Variants in CHD2 observed in about 807,000 individuals in gnomAD.
CHD2 encodes the protein ATP-dependent chromatin remodeler CHD2.
A neutral mutation model predicts 243.9 loss-of-function variants in CHD2; 28 were observed. The observed-to-expected ratio is 0.11, with a 90% confidence interval of 0.09 to 0.16. The LOEUF is 0.16. Ranked by LOEUF, CHD2 falls within the 10% of genes least tolerant of loss-of-function variation. The pLI, the probability that CHD2 is intolerant of heterozygous loss-of-function variation, is 1.00. For synonymous variants in CHD2, 775 were observed against 779.0 expected, an observed-to-expected ratio of 0.99 and a Z score of 0.09; for missense variants, 1,386 against 2,209.8, an observed-to-expected ratio of 0.63 and a Z score of 7.47.
rs1190982997 is a variant in CHD2 at position 92,997,830 on chromosome 15, T to C, written c.3885+427T>C. ...TTGTAATGGAATTAAACATTGGCTG[T>C]TCTTCTCCCACAAAATCGAGCCTCC... On this transcript the variant is annotated intron_variant, in intron 30 of 38. Coordinates refer to ENST00000394196, the MANE Select transcript of CHD2 (RefSeq NM_001271.4). The surrounding 1 kb of genome is among the most constrained non-coding windows in gnomAD (Gnocchi z 4.1). Among the ~76,000 whole-genome samples, 1 of 152,216 alleles carries C rather than the reference T, an allele frequency of 6.6e-6. No individual in the cohort carries two copies. The highest frequency in any genetic ancestry group is 1.9e-4 in the East Asian group (1 of 5,194).
At chr15:92,911,745 G>C (rs1303249781) in intron 2 of CHD2, among the ~76,000 whole-genome samples, 3 of 151,866 alleles carry the variant, frequency 2.0e-5, no homozygotes, top group Non-Finnish European at 4.4e-5. Context: ...CCCAACCCCT[G>C]CCCAAGAAAA....
chr15:93,022,530 C>G (rs1207578858), intron 38 of CHD2, among the ~76,000 whole-genome samples: 1 of 152,228 alleles, frequency 6.6e-6, no homozygotes, highest in Non-Finnish European at 1.5e-5. Flanking sequence ...GATGCCAGTT[C>G]TTTGTGAGCA....
intron 2 of CHD2, among the ~76,000 whole-genome samples, chr15:92,917,476 G>T (rs866969916): frequency 3.9e-5 from 6 of 152,256 alleles, no homozygotes; most frequent in African/African-American, 1.4e-4. Flanking sequence ...CAGGAGAATC[G>T]CATGAACCCT....
At chr15:92,917,731 T>C (rs2052869092) in intron 2 of CHD2, among the ~76,000 whole-genome samples, 1 of 152,222 alleles carries the variant, frequency 6.6e-6, no homozygotes, top group Admixed American at 6.5e-5. Flanking sequence ...TACCTAACGC[T>C]GATAGTTGAT....
chr15:92,954,207 C>T (rs2053589477), intron 14 of CHD2: 1 of 152,250 alleles, frequency 6.6e-6, no homozygotes, highest in African/African-American at 2.4e-5. Context: ...ACGTATAATA[C>T]CTGTAATCTT....
rs1055974820 is a variant in CHD2, at chr15:92,993,341, C to A, written c.3595+343C>A. On this transcript the variant is annotated intron_variant, in intron 28 of 38. Transcript: ENST00000394196. ...GCTGCAAATAAGAGGTGTTATAGATCACAAGCATTGTTAATTATCTTGGAT... is the reference window on the plus strand; with the variant it reads ...GCTGCAAATAAGAGGTGTTATAGATAACAAGCATTGTTAATTATCTTGGAT... 1.5e-5 allele frequency: 3 copies of A among 206,308 alleles called. No individual in the cohort carries two copies. In the Admixed American group the frequency reaches 1.6e-4, roughly 11 times the overall value. The allele number at this position is 206,308 out of a possible 1,614,324, so 12.8% of individuals were successfully genotyped here. A position where few individuals can be genotyped will look rare whatever the true frequency, so the allele number is the denominator to read the frequency against.
At position 92,986,271 on chromosome 15, in the gene CHD2, T is replaced by G. The variant is rs2054041399; in HGVS notation, c.3413+598T>G. On this transcript the variant is annotated intron_variant, in intron 26 of 38. Transcript: ENST00000394196. Reference sequence around the variant, plus strand: ...CCTCCATAAAAAAATCTAAAATTGTTGCTTACAAATTATTTTTTTTCCAGT... The same window carrying G: ...CCTCCATAAAAAAATCTAAAATTGTGGCTTACAAATTATTTTTTTTCCAGT... Among the ~76,000 whole-genome samples the G allele has an allele frequency of 3.3e-5, 5 of 152,208 alleles. No homozygotes were observed. In the South Asian group the frequency reaches 1.0e-3, roughly 32 times the overall value.
rs1179529052 is a variant in CHD2, at chr15:92,939,570, C to T, written c.552-8C>T. 1 of 1,607,512 alleles carries T rather than the reference C, an allele frequency of 6.2e-7. No individual in the cohort carries two copies. The highest frequency in any genetic ancestry group is 8.5e-7 in the Non-Finnish European group (1 of 1,178,214). On this transcript the variant is annotated splice_region_variant and splice_polypyrimidine_tract_variant and intron_variant, in intron 6 of 38. Transcript: ENST00000394196. The stretch of plus-strand genomic sequence containing the variant: ...AGACTTAGCCTTTTGTTTCTCTTCT[C>T]ATTTTAGAACAGTGCCCAAACCTCG...
chr15:92,978,257 A>G lies in CHD2; in HGVS notation c.2601A>G (p.Thr867=), dbSNP rs145367388. The G allele has an allele frequency of 5.4e-5, 87 of 1,614,106 alleles. 1 individual carries two copies. The highest frequency in any genetic ancestry group is 7.4e-5 in the Non-Finnish European group (87 of 1,180,042). The stretch of plus-strand genomic sequence containing the variant: ...AGGACTTCTGTTTCCTGCTCTCGAC[A>G]AGGGCTGGTGGCCTGGGAATCAATT... ...GSEDFCFLLS[T]RAGGLGINLA... Residue 867 remains threonine, a synonymous_variant, in exon 21 of 39, where the codon ACA becomes ACG. Coordinates refer to ENST00000394196, the MANE Select transcript of CHD2 (RefSeq NM_001271.4).
chr15:93,015,954 C>A (rs559807524), intron 37 of CHD2, among the ~76,000 whole-genome samples: 12 of 152,180 alleles, frequency 7.9e-5, no homozygotes, highest in African/African-American at 2.9e-4. Context: ...AGAGATGCCT[C>A]AAAAAAATCA....
chr15:92,967,598 G>GTTT, intron 17 of CHD2, 85 bp downstream of exon 17: 200 of 610,894 alleles, frequency 3.3e-4, no homozygotes, highest in South Asian at 6.3e-4. Context: ...ATATACTTTT[G>GTTT]TTTTTTTTTT....
chr15:92,955,559 G>T (rs1281737731), intron 15 of CHD2, 47 bp downstream of exon 15: 7 of 1,222,208 alleles, frequency 5.7e-6, no homozygotes, highest in Non-Finnish European at 8.2e-6. Context: ...AGTGCGACTT[G>T]TCCAGATGGT....
Position 92,939,610 on chromosome 15 carries a change from C to T in CHD2, c.584C>T (p.Pro195Leu), listed in dbSNP as rs1381374225. 39 of 1,613,842 alleles carry T rather than the reference C, an allele frequency of 2.4e-5. No homozygotes were observed. The highest frequency in any genetic ancestry group is 4.0e-5 in the African/African-American group (3 of 74,854). Reference protein sequence around the residue: ...TVPKPRVKKQPKTQRGKRKKQ... With the variant: ...TVPKPRVKKQLKTQRGKRKKQ... ...CCCAAACCTCGTGTTAAAAAGCAGC[C>T]GAAGACTCAGCGTGGAAAGAGAAAA... The change falls in exon 7 of 39, where the codon CCG (proline) becomes CTG (leucine). Residue 195 changes from proline to leucine, a missense_variant. Around this residue, in one of 19 missense-constraint regions of CHD2, gnomAD observed 90 missense variants for 78.0 expected, o/e 1.15. Transcript: ENST00000394196.
At chr15:92,981,707 G>A (rs937399421) in intron 24 of CHD2, among the ~76,000 whole-genome samples, 2 of 152,342 alleles carry the variant, frequency 1.3e-5, no homozygotes, top group East Asian at 3.9e-4. Flanking sequence ...ACTGAAGAGA[G>A]GGCTAGGTAG....
intron 26 of CHD2, among the ~76,000 whole-genome samples, chr15:92,990,625 T>C (rs1425886812): frequency 6.6e-6 from 1 of 152,246 alleles, no homozygotes; most frequent in Admixed American, 6.5e-5. Context: ...GTATCTGCGC[T>C]GTTCCTTTAA....
At chr15:92,902,325 TA>T in intron 2 of CHD2, 2 of 395,200 alleles carry the variant, frequency 5.1e-6, no homozygotes, top group Middle Eastern at 1.3e-3. Context: ...TATTAATTTT[TA>T]AAAGTACATA....
chr15:93,009,475 CT>C, intron 35 of CHD2, 152 bp downstream of exon 35: 4 of 693,264 alleles, frequency 5.8e-6, no homozygotes, highest in South Asian at 2.2e-5. Context: ...CTTTAACTCC[CT>C]TTCCATGAAA....
chr15:93,007,275 G>T (rs1319916735), intron 34 of CHD2, among the ~76,000 whole-genome samples: 1 of 152,174 alleles, frequency 6.6e-6, no homozygotes, highest in East Asian at 1.9e-4. Context: ...ACTGACTGAA[G>T]GTCGTTGGAC....
At position 92,993,011 on chromosome 15, in the gene CHD2, G is replaced by C; in HGVS notation, c.3595+13G>C. 1 of 1,612,758 alleles carries C rather than the reference G, an allele frequency of 6.2e-7. No homozygotes were observed. The highest frequency in any genetic ancestry group is 1.1e-5 in the South Asian group (1 of 91,008). On this transcript the variant is annotated intron_variant, in intron 28 of 38. Transcript: ENST00000394196. ...AATGCCAGCGAGGGTAAGCGAAGTT[G>C]GCTTTAGTGAGTCTTCGCAACCTGG...
Sources: gnomAD v4.1 joint callset for allele counts (sites outside exome capture counted in the v4.1 genomes callset) on GRCh38, gnomAD v4.1.1 for gene constraint, gnomAD v4.1.1 regional missense constraint, Gnocchi (gnomAD v3.1) non-coding constraint, MANE v1.5 for transcripts, NCBI Gene and HGNC (gene_info 2026-07-23, HGNC 2026-07-21) for gene names.